PGCKA1: variants seen among roughly 807,000 people sequenced by gnomAD.
PGCKA1 encodes the protein PDCD10 and GCKIII kinases associated 1, also known as PDCD10 and GCKIII kinases-associated protein 1.
the PGCKA1 span, among the ~76,000 whole-genome samples, chr4:37,523,445 TA>T: frequency 4.0e-5 from 6 of 151,892 alleles, no homozygotes; most frequent in Non-Finnish European, 8.8e-5. Flanking sequence ...TAAAACCAGG[TA>T]CTATGAGGGC....
At chr4:37,471,791 AG>A in the PGCKA1 span, among the ~76,000 whole-genome samples, 1 of 152,158 alleles carries the variant, frequency 6.6e-6, no homozygotes, top group Admixed American at 6.6e-5. Flanking sequence ...AAAGTTGGCC[AG>A]GGGAAAAGGT....
the PGCKA1 span, among the ~76,000 whole-genome samples, chr4:37,455,108 G>GAGA: frequency 6.6e-6 from 1 of 152,200 alleles, no homozygotes; most frequent in Non-Finnish European, 1.5e-5. Flanking sequence ...GAGAAAAGAA[G>GAGA]AGAAGCATTT....
the PGCKA1 span, among the ~76,000 whole-genome samples, chr4:37,512,831 C>G: frequency 0.51 from 77,982 of 151,780 alleles, 20,408 homozygotes; most frequent in African/African-American, 0.6. Context: ...GCTCACGCCT[C>G]TAATCCCAGC....
chr4:37,525,201 T>C, the PGCKA1 span, among the ~76,000 whole-genome samples: 1 of 152,166 alleles, frequency 6.6e-6, no homozygotes, highest in Non-Finnish European at 1.5e-5. Context: ...TACATAATTG[T>C]TTTTCATTTT....
chr4:37,549,204 C>T, the PGCKA1 span, among the ~76,000 whole-genome samples: 2 of 152,240 alleles, frequency 1.3e-5, no homozygotes, highest in African/African-American at 4.8e-5. Flanking sequence ...ATCAATTAGT[C>T]AGCCCTTGTT....
the PGCKA1 span, among the ~76,000 whole-genome samples, chr4:37,533,385 C>G: frequency 1.3e-5 from 2 of 152,166 alleles, no homozygotes; most frequent in African/African-American, 4.8e-5. Flanking sequence ...GTACCACTCT[C>G]TAGAAATACA....
the PGCKA1 span, among the ~76,000 whole-genome samples, chr4:37,488,724 A>T: frequency 6.6e-6 from 1 of 151,658 alleles, no homozygotes; most frequent in African/African-American, 2.4e-5. Context: ...CTGTTCCATC[A>T]CCTCTGGCCT....
the PGCKA1 span, among the ~76,000 whole-genome samples, chr4:37,482,870 C>T: frequency 0.017 from 2,533 of 152,274 alleles, 30 homozygotes; most frequent in Non-Finnish European, 0.024. Context: ...ACAGCTTAGA[C>T]TGTTGCTTCA....
At chr4:37,574,707 A>G in the PGCKA1 span, among the ~76,000 whole-genome samples, 1 of 152,080 alleles carries the variant, frequency 6.6e-6, no homozygotes, top group Non-Finnish European at 1.5e-5. Flanking sequence ...CTTTCTTTGT[A>G]ACTTTTGCTT....
At chr4:37,457,772 G>C in the PGCKA1 span, among the ~76,000 whole-genome samples, 4 of 152,284 alleles carry the variant, frequency 2.6e-5, no homozygotes, top group South Asian at 2.1e-4. Flanking sequence ...TTGTTGTTAA[G>C]AGTCACATAC....
the PGCKA1 span, chr4:37,461,169 GTC>G: frequency 5.8e-6 from 1 of 171,400 alleles, no homozygotes; most frequent in African/African-American, 2.4e-5. Flanking sequence ...TATTTCTGAG[GTC>G]TCTATATCTG....
the PGCKA1 span, among the ~76,000 whole-genome samples, chr4:37,545,833 C>G: frequency 7.0e-4 from 106 of 152,302 alleles, 1 homozygote; most frequent in African/African-American, 2.1e-3. Context: ...CTGTCAGCCT[C>G]CAAAAATAAT....
the PGCKA1 span, chr4:37,590,188 T>A: frequency 6.2e-7 from 1 of 1,614,114 alleles, no homozygotes; most frequent in Non-Finnish European, 8.5e-7. Context: ...AAAAGGCAAA[T>A]GGAGCAGTGA....
chr4:37,481,488 AAAAAAAAAAAAAG>A, the PGCKA1 span, among the ~76,000 whole-genome samples: 1 of 76,464 alleles, frequency 1.3e-5, no homozygotes, highest in African/African-American at 3.0e-5. Flanking sequence ...AAAAAAAAAA[AAAAAAAAAAAAAG>A]AAGTCCAAGA....
At chr4:37,504,708 A>C in the PGCKA1 span, among the ~76,000 whole-genome samples, 1 of 151,890 alleles carries the variant, frequency 6.6e-6, no homozygotes, top group Non-Finnish European at 1.5e-5. Context: ...TACTTTCTTA[A>C]TTTCTTTTTA....
chr4:37,466,665 A>G, the PGCKA1 span, among the ~76,000 whole-genome samples: 2 of 147,194 alleles, frequency 1.4e-5, no homozygotes, highest in Non-Finnish European at 1.5e-5. Flanking sequence ...AGGATAGTCA[A>G]TAAGATCACC....
the PGCKA1 span, among the ~76,000 whole-genome samples, chr4:37,485,181 T>C: frequency 6.6e-6 from 1 of 152,170 alleles, no homozygotes. Flanking sequence ...AACAAACCAA[T>C]GAAAACTTCC....
chr4:37,482,860 A>G, the PGCKA1 span, among the ~76,000 whole-genome samples: 2 of 152,164 alleles, frequency 1.3e-5, no homozygotes, highest in African/African-American at 4.8e-5. Flanking sequence ...GGGCCAACAT[A>G]CAGCTTAGAC....
At chr4:37,463,083 C>T in the PGCKA1 span, among the ~76,000 whole-genome samples, 9 of 151,740 alleles carry the variant, frequency 5.9e-5, no homozygotes, top group South Asian at 1.7e-3. Flanking sequence ...GAGAATGGGA[C>T]CTCTTAAAGG....
Sources: allele counts gnomAD v4.1 joint callset (sites outside exome capture counted in the v4.1 genomes callset), GRCh38; gene constraint gnomAD v4.1.1; transcripts MANE v1.5; gene names NCBI Gene and HGNC (gene_info 2026-07-23, HGNC 2026-07-21).